NR5A2: variants seen among roughly 807,000 people sequenced by gnomAD.
NR5A2 encodes CYP7A promoter-binding factor.
Under a neutral mutation model 62.7 loss-of-function variants are expected in NR5A2, and 26 were observed. The ratio of observed to expected loss-of-function variants is 0.41; its 90% confidence interval spans 0.30 to 0.58. NR5A2 has a LOEUF of 0.58. Among genes scored for constraint, NR5A2 ranks in the 20% least tolerant of loss-of-function variants. The probability of loss-of-function intolerance (pLI) is 0.22; values close to 1 mark genes in which losing one functional copy is unlikely to be tolerated. For synonymous variants in NR5A2, 246 were observed against 241.7 expected (o/e 1.02, Z -0.16); for missense variants, 541 against 669.1 (o/e 0.81, Z 2.11).
chr1:200,067,205 A>G (rs1213260303), intron 5 of NR5A2, among the ~76,000 whole-genome samples: 1 of 151,966 alleles, frequency 6.6e-6, no homozygotes, highest in Non-Finnish European at 1.5e-5. Flanking sequence ...GCTGGAGGCC[A>G]TTATCCTTAG....
chr1:200,054,902 CT>C (rs774540556), intron 5 of NR5A2, among the ~76,000 whole-genome samples: 275 of 145,800 alleles, frequency 1.9e-3, no homozygotes, highest in Middle Eastern at 3.5e-3. Context: ...CTTAGTCCTA[CT>C]TTTTTTTTTT....
intron 7 of NR5A2, among the ~76,000 whole-genome samples, chr1:200,139,543 T>A (rs954608600): frequency 6.6e-6 from 1 of 152,228 alleles, no homozygotes; most frequent in Non-Finnish European, 1.5e-5. Flanking sequence ...TGGAGAGAGA[T>A]CCAACAGCTA....
chr1:200,049,696 A>T (rs1310639777), intron 5 of NR5A2, among the ~76,000 whole-genome samples: 1 of 152,212 alleles, frequency 6.6e-6, no homozygotes, highest in East Asian at 1.9e-4. Context: ...TTTTGTCACA[A>T]AATCAATTTC....
chr1:200,121,985 T>C (rs1666498806), intron 7 of NR5A2, among the ~76,000 whole-genome samples: 2 of 152,188 alleles, frequency 1.3e-5, no homozygotes, highest in South Asian at 2.1e-4. Flanking sequence ...TAGTTTGAAG[T>C]AATAGAACCA....
intron 5 of NR5A2, among the ~76,000 whole-genome samples, chr1:200,105,871 G>A (rs1665631991): frequency 6.6e-6 from 1 of 152,116 alleles, no homozygotes; most frequent in African/African-American, 2.4e-5. Flanking sequence ...AGAATTGCTT[G>A]AGCCCAGGAG....
At position 200,165,331 on chromosome 1, in the gene NR5A2, G is replaced by A. The variant is rs548274067; in HGVS notation, c.1379-8632G>A. On this transcript the variant is annotated intron_variant, in intron 7 of 7. Transcript: ENST00000367362. The stretch of plus-strand genomic sequence containing the variant: ...GAGTGAAACCTTTACAATGAATGCC[G>A]CTACATTGACACATCCTCATCACCC... Among the ~76,000 whole-genome samples, 20 of 152,238 alleles carry A rather than the reference G, an allele frequency of 1.3e-4. 1 individual carries two copies. The South Asian group carries it at 3.3e-3, about 25-fold the overall frequency.
At chr1:200,053,124 A>C (rs1662734296) in intron 5 of NR5A2, among the ~76,000 whole-genome samples, 1 of 150,392 alleles carries the variant, frequency 6.6e-6, no homozygotes, top group Non-Finnish European at 1.5e-5. Flanking sequence ...GATTGGAATG[A>C]AAAAGAAGAA....
At chr1:200,119,913 C>CTTTTT (rs200964817) in intron 6 of NR5A2, among the ~76,000 whole-genome samples, 1 of 144,254 alleles carries the variant, frequency 6.9e-6, no homozygotes, top group Non-Finnish European at 1.5e-5. Flanking sequence ...CCGGCCAGCA[C>CTTTTT]TTTTTTTTTT....
At chr1:200,091,578 A>G (rs56340031) in intron 5 of NR5A2, among the ~76,000 whole-genome samples, 20,348 of 147,380 alleles carry the variant, frequency 0.14, 1,558 homozygotes, top group African/African-American at 0.24. Context: ...TCTACCTCCC[A>G]GGTTCAAGCG....
At chr1:200,149,252 T>C (rs1667876307) in intron 7 of NR5A2, among the ~76,000 whole-genome samples, 1 of 152,206 alleles carries the variant, frequency 6.6e-6, no homozygotes, top group Non-Finnish European at 1.5e-5. Context: ...TTTGCACTTC[T>C]TGGTGCTGTT....
At chr1:200,082,741 G>C (rs1217126499) in intron 5 of NR5A2, among the ~76,000 whole-genome samples, 1 of 152,226 alleles carries the variant, frequency 6.6e-6, no homozygotes, top group East Asian at 1.9e-4. Flanking sequence ...ATCTAATGTT[G>C]ATCTGAATAA....
intron 5 of NR5A2, among the ~76,000 whole-genome samples, chr1:200,093,538 C>T (rs12748736): frequency 0.022 from 3,342 of 152,268 alleles, 59 homozygotes; most frequent in Admixed American, 0.043. Flanking sequence ...CTTTGAGACA[C>T]GGTTTTCCAG....
chr1:200,111,779 G>A (rs1665966219), intron 6 of NR5A2, among the ~76,000 whole-genome samples: 1 of 152,190 alleles, frequency 6.6e-6, no homozygotes, highest in South Asian at 2.1e-4. Flanking sequence ...AGGCAAATGA[G>A]AAGGGAGGGG....
intron 7 of NR5A2, among the ~76,000 whole-genome samples, chr1:200,161,287 GA>G (rs1364319802): frequency 6.6e-6 from 1 of 152,162 alleles, no homozygotes; most frequent in Non-Finnish European, 1.5e-5. Context: ...TCCTGGCTCA[GA>G]ATATCCCATC....
intron 7 of NR5A2, among the ~76,000 whole-genome samples, chr1:200,141,551 T>TA (rs1374452192): frequency 6.6e-6 from 1 of 152,238 alleles, no homozygotes; most frequent in Non-Finnish European, 1.5e-5. Context: ...TTTGGGGTAC[T>TA]ACAAATAAGC....
Position 200,174,242 on chromosome 1 carries a change from C to CA in NR5A2, c.*37dup. 1 of 1,458,406 alleles carries CA rather than the reference C, an allele frequency of 6.9e-7. No homozygotes were observed. Among genetic ancestry groups the CA allele is most frequent in the Non-Finnish European group, 9.1e-7 (1 of 1,100,254 alleles). The allele number at this position is 1,458,406 out of a possible 1,614,324, so 90.3% of individuals were successfully genotyped here. A position where few individuals can be genotyped will look rare whatever the true frequency, so the allele number is the denominator to read the frequency against. On this transcript the variant is annotated 3_prime_UTR_variant, in exon 8 of 8. Coordinates refer to ENST00000367362, the MANE Select transcript of NR5A2 (RefSeq NM_205860.3). ...ACCCCTAGGAGCTCTGCTTTCAAAA[C>CA]AAAAAGAGATTGGGGGAGTGGGGAG... is the stretch of plus-strand genomic sequence containing the variant.
chr1:200,080,681 CA>C (rs1413834096), intron 5 of NR5A2, among the ~76,000 whole-genome samples: 2 of 152,158 alleles, frequency 1.3e-5, no homozygotes, highest in Non-Finnish European at 2.9e-5. Context: ...ATAGCTTTGT[CA>C]AAAACAAATT....
chr1:200,027,936 C>T (rs1264384190), intron 1 of NR5A2, 25 bp downstream of exon 1: 3 of 1,510,548 alleles, frequency 2.0e-6, no homozygotes, highest in Non-Finnish European at 2.7e-6. Flanking sequence ...CTCTATTGAT[C>T]ATCTATTTAT....
intron 7 of NR5A2, among the ~76,000 whole-genome samples, chr1:200,168,127 T>A (rs1161343528): frequency 2.0e-5 from 3 of 152,178 alleles, no homozygotes; most frequent in Non-Finnish European, 2.9e-5. Context: ...ATGTTAAGAA[T>A]GTTTTGTAAA....
Sources: allele counts gnomAD v4.1 joint callset (sites outside exome capture counted in the v4.1 genomes callset), GRCh38; gene constraint gnomAD v4.1.1; transcripts MANE v1.5; gene names NCBI Gene and HGNC (gene_info 2026-07-23, HGNC 2026-07-21).